Variants in PPP1R9A observed in about 807,000 individuals in gnomAD.
PPP1R9A encodes neurabin-1.
A neutral mutation model predicts 141.9 loss-of-function variants in PPP1R9A; 59 were observed. The observed-to-expected ratio is 0.42, with a 90% CI of 0.34 to 0.52. PPP1R9A has a LOEUF of 0.52. Ranked by LOEUF, PPP1R9A falls within the 20% of genes least tolerant of loss-of-function variation. The pLI is 0.10. For synonymous variants in PPP1R9A, 500 were observed against 569.7 expected (o/e 0.88, Z 1.74); for missense variants, 1,444 against 1,611.9 (o/e 0.90, Z 1.78).
At chr7:95,160,094 A>T (rs1315192062) in intron 4 of PPP1R9A, among the ~76,000 whole-genome samples, 1 of 151,744 alleles carries the variant, frequency 6.6e-6, no homozygotes. Context: ...GATATATATA[A>T]AATATATATA....
chr7:94,947,486 G>A (rs1796019906), intron 2 of PPP1R9A, among the ~76,000 whole-genome samples: 1 of 152,108 alleles, frequency 6.6e-6, no homozygotes, highest in Non-Finnish European at 1.5e-5. Context: ...AGTGAAGAGT[G>A]AGCTCTGCCT....
chr7:95,216,012 A>G (rs1249692779), intron 7 of PPP1R9A, among the ~76,000 whole-genome samples: 1 of 152,106 alleles, frequency 6.6e-6, no homozygotes, highest in Non-Finnish European at 1.5e-5. Context: ...TTTTGTTGCC[A>G]TTGCTTTTGG....
At chr7:95,153,341 T>TA (rs1281346132) in intron 4 of PPP1R9A, among the ~76,000 whole-genome samples, 1 of 152,150 alleles carries the variant, frequency 6.6e-6, no homozygotes. Context: ...CAGAGGACAC[T>TA]AAAAAATGTA....
At chr7:94,988,229 C>A (rs1801086795) in intron 2 of PPP1R9A, among the ~76,000 whole-genome samples, 1 of 151,994 alleles carries the variant, frequency 6.6e-6, no homozygotes, top group African/African-American at 2.4e-5. Flanking sequence ...TATTACAATT[C>A]TGGAGGAAAT....
intron 4 of PPP1R9A, among the ~76,000 whole-genome samples, chr7:95,129,637 T>G (rs1346851749): frequency 6.6e-6 from 1 of 151,910 alleles, no homozygotes. Flanking sequence ...GACAGGAAAA[T>G]GTGGGAAAAT....
intron 14 of PPP1R9A, 135 bp from the exon 15 acceptor site, chr7:95,273,764 A>G (rs763377006): frequency 9.0e-5 from 76 of 847,106 alleles, no homozygotes; most frequent in Admixed American, 5.3e-4. Context: ...CCTAGGTCGT[A>G]TAAGAAGGCA....
At chr7:95,200,612 A>T (rs1789346254) in intron 6 of PPP1R9A, among the ~76,000 whole-genome samples, 1 of 152,124 alleles carries the variant, frequency 6.6e-6, no homozygotes, top group Non-Finnish European at 1.5e-5. Flanking sequence ...ATTGGAATAG[A>T]TGGAAAAAGA....
At chr7:95,103,467 A>G (rs898428791) in intron 2 of PPP1R9A, among the ~76,000 whole-genome samples, 2 of 146,800 alleles carry the variant, frequency 1.4e-5, no homozygotes, top group Non-Finnish European at 3.0e-5. Context: ...TCCTGGGTTC[A>G]TGCCATTCTC....
At chr7:95,162,059 A>G (rs1276277601) in intron 5 of PPP1R9A, 88 bp downstream of exon 5, 2 of 766,468 alleles carry the variant, frequency 2.6e-6, no homozygotes, top group Non-Finnish European at 4.0e-6. Context: ...AAATGTAATT[A>G]CAATGACAAT....
At chr7:95,241,155 T>C (rs929631824) in intron 8 of PPP1R9A, among the ~76,000 whole-genome samples, 1 of 152,146 alleles carries the variant, frequency 6.6e-6, no homozygotes, top group Non-Finnish European at 1.5e-5. Flanking sequence ...TAATTTCCAG[T>C]CTTCACTGCT....
intron 2 of PPP1R9A, among the ~76,000 whole-genome samples, chr7:95,101,343 C>T (rs1818772149): frequency 6.6e-6 from 1 of 152,136 alleles, no homozygotes; most frequent in African/African-American, 2.4e-5. Context: ...TATTGCATTA[C>T]TAAATGATCC....
In PPP1R9A at chr7:95,290,577, A is replaced by C; in HGVS notation, c.*274A>C. ...TTTTGCTCTTCTCTAACTTACCAAC[A>C]TCTTGTGTTGTGTTGGGTGTGTTTT... is the stretch of plus-strand genomic sequence containing the variant. On this transcript the variant is annotated 3_prime_UTR_variant, in exon 20 of 20. Coordinates refer to ENST00000433360, the MANE Select transcript of PPP1R9A (RefSeq NM_001166160.2). The C allele has an allele frequency of 2.6e-6, 1 of 379,674 alleles. No individual in the cohort carries two copies. The highest frequency in any genetic ancestry group is 4.9e-6 in the Non-Finnish European group (1 of 204,380). 23.5% of individuals were successfully genotyped at this position (379,674 alleles called of 1,614,324 possible).
At chr7:94,976,413 C>A (rs1331053427) in intron 2 of PPP1R9A, among the ~76,000 whole-genome samples, 2 of 146,970 alleles carry the variant, frequency 1.4e-5, no homozygotes, top group African/African-American at 2.5e-5. Context: ...GTGATCTCGG[C>A]CCACTGCACC....
At chr7:95,074,298 T>C (rs542807657) in intron 2 of PPP1R9A, among the ~76,000 whole-genome samples, 1 of 152,176 alleles carries the variant, frequency 6.6e-6, no homozygotes, top group Non-Finnish European at 1.5e-5. Flanking sequence ...TACTATAATT[T>C]ATTGATCCCC....
intron 2 of PPP1R9A, among the ~76,000 whole-genome samples, chr7:94,919,300 CA>C (rs1349876937): frequency 4.2e-4 from 50 of 120,154 alleles, no homozygotes; most frequent in East Asian, 1.1e-3. Context: ...TGGATAATTA[CA>C]TTTTTTTTTT....
intron 2 of PPP1R9A, among the ~76,000 whole-genome samples, chr7:95,054,931 A>G (rs560905068): frequency 6.6e-6 from 1 of 152,340 alleles, no homozygotes; most frequent in East Asian, 1.9e-4. Context: ...TCTTTGAATA[A>G]ATAAAAGCAA....
At chr7:94,975,812 C>T (rs1228429629) in intron 2 of PPP1R9A, among the ~76,000 whole-genome samples, 1 of 152,140 alleles carries the variant, frequency 6.6e-6, no homozygotes, top group African/African-American at 2.4e-5. Context: ...CAGAAGATGT[C>T]ACTGGTCATT....
At chr7:95,219,255 T>C (rs879705680) in intron 7 of PPP1R9A, among the ~76,000 whole-genome samples, 7 of 152,200 alleles carry the variant, frequency 4.6e-5, no homozygotes, top group Admixed American at 2.0e-4. Flanking sequence ...TATGAAATTC[T>C]GGGTTTAAAA....
chr7:94,966,482 A>G (rs891035033), intron 2 of PPP1R9A, among the ~76,000 whole-genome samples: 2 of 152,212 alleles, frequency 1.3e-5, no homozygotes, highest in South Asian at 2.1e-4. Flanking sequence ...TTATTTTGAG[A>G]TACATTCCAT....
Sources: gnomAD v4.1 joint callset for allele counts (sites outside exome capture counted in the v4.1 genomes callset) on GRCh38, gnomAD v4.1.1 for gene constraint, MANE v1.5 for transcripts, NCBI Gene and HGNC (gene_info 2026-07-23, HGNC 2026-07-21) for gene names.